Variants in ABHD5 observed in about 807,000 individuals in gnomAD.
The protein encoded by ABHD5 is 1-acylglycerol-3-phosphate O-acyltransferase ABHD5.
Under a neutral mutation model 44.9 loss-of-function variants are expected in ABHD5, and 30 were observed. That is an observed-to-expected ratio of 0.67 (90% CI 0.50 to 0.91). The LOEUF is 0.91. Among genes scored for constraint, ABHD5 ranks in the 40% least tolerant of loss-of-function variants. ABHD5 has a pLI of 0.00. For missense variants in ABHD5, 399 were observed against 423.4 expected (o/e 0.94, Z 0.50); for synonymous variants, 167 against 147.0 (o/e 1.14, Z -0.99).
At chr3:43,696,820 T>G (rs2084479229) in intron 1 of ABHD5, among the ~76,000 whole-genome samples, 1 of 152,112 alleles carries the variant, frequency 6.6e-6, no homozygotes, top group Non-Finnish European at 1.5e-5. Flanking sequence ...AGGGGAAGAG[T>G]GCTATCTTTA....
At chr3:43,693,001 C>T (rs1295358617) in intron 1 of ABHD5, among the ~76,000 whole-genome samples, 1 of 152,184 alleles carries the variant, frequency 6.6e-6, no homozygotes, top group African/African-American at 2.4e-5. Context: ...TTAGTGAAGA[C>T]AGGCATACTG....
At chr3:43,713,283 A>G (rs1025290127) in intron 4 of ABHD5, among the ~76,000 whole-genome samples, 2 of 149,264 alleles carry the variant, frequency 1.3e-5, no homozygotes, top group African/African-American at 5.0e-5. Context: ...AGATCGCACC[A>G]CTATTCTCCA....
intron 4 of ABHD5, 63 bp from the exon 5 acceptor site, chr3:43,714,884 T>G (rs926415174): frequency 1.7e-6 from 2 of 1,157,300 alleles, no homozygotes; most frequent in African/African-American, 1.5e-5. Flanking sequence ...ACTTTCTATA[T>G]TATTTAGTTG....
rs1342420995 is a variant in ABHD5 at position 43,721,608 on chromosome 3, C to T, written c.*3076C>T. On this transcript the variant is annotated 3_prime_UTR_variant, in exon 7 of 7. Transcript: ENST00000644371. ...ATTAAGTACCTGGCCTGGGTTCCAC[C>T]TACTTGGGAGGCTGAGGTAGGAGGA... 1 of 151,368 alleles carries T rather than the reference C, an allele frequency of 6.6e-6. No individual in the cohort carries two copies. The highest frequency in any genetic ancestry group is 1.5e-5 in the Non-Finnish European group (1 of 67,906). The allele number at this position is 151,368 out of a possible 1,614,324, so 9.4% of individuals were successfully genotyped here. A position where few individuals can be genotyped will look rare whatever the true frequency, so the allele number is the denominator to read the frequency against.
chr3:43,702,841 TTAATG>T (rs1270214663), intron 3 of ABHD5, among the ~76,000 whole-genome samples: 1 of 152,132 alleles, frequency 6.6e-6, no homozygotes, highest in Non-Finnish European at 1.5e-5. Context: ...TGTAGAAACT[TTAATG>T]TATAATTTTA....
At chr3:43,724,056 G>A (rs115430387), downstream of ABHD5, among the ~76,000 whole-genome samples, 465 of 152,262 alleles carry the variant, frequency 3.1e-3, no homozygotes, top group Middle Eastern at 0.02. Context: ...TGAGCAGAGT[G>A]TTATGTTGAA....
intron 6 of ABHD5, among the ~76,000 whole-genome samples, chr3:43,718,145 C>T (rs1222668446): frequency 6.6e-6 from 1 of 152,194 alleles, no homozygotes; most frequent in Admixed American, 6.5e-5. Flanking sequence ...GTAATTCCCA[C>T]CTCACAAGGC....
intron 1 of ABHD5, chr3:43,695,192 A>G (rs1380447321): frequency 6.6e-6 from 1 of 152,244 alleles, no homozygotes; most frequent in Non-Finnish European, 1.5e-5. Context: ...TCCCAAGAAT[A>G]GGATTTAAAA....
At chr3:43,695,899 T>G (rs929962706) in intron 1 of ABHD5, among the ~76,000 whole-genome samples, 1 of 152,248 alleles carries the variant, frequency 6.6e-6, no homozygotes, top group Non-Finnish European at 1.5e-5. Flanking sequence ...TCTGATGTGA[T>G]CTTTTATAAC....
chr3:43,714,014 C>T lies in ABHD5; in HGVS notation c.662-933C>T, dbSNP rs187958042. 3.3e-5 allele frequency among the ~76,000 whole-genome samples: 5 copies of T among 152,190 alleles called. No individual in the cohort carries two copies. In the East Asian group the frequency reaches 9.7e-4, roughly 29 times the overall value. On this transcript the variant is annotated intron_variant, in intron 4 of 6. Transcript: ENST00000644371. ...AGTGGTAGCAGAAAGGGAGACCAGT[C>T]AGTCTCTGGGGCCTCAGAATAGAAA...
downstream of ABHD5, among the ~76,000 whole-genome samples, chr3:43,727,650 C>T (rs2084886705): frequency 6.6e-6 from 1 of 152,166 alleles, no homozygotes; most frequent in South Asian, 2.1e-4. Flanking sequence ...GCTCTTGTTG[C>T]CAAGGCTGGA....
intron 7 of ABHD5, among the ~76,000 whole-genome samples, chr3:43,732,739 A>G (rs1697259547): frequency 6.6e-6 from 1 of 152,256 alleles, no homozygotes; most frequent in South Asian, 2.1e-4. Context: ...AAGAATTCAG[A>G]CATGGCTGAG....
intron 3 of ABHD5, among the ~76,000 whole-genome samples, chr3:43,703,375 C>T (rs576903549): frequency 7.9e-5 from 12 of 152,136 alleles, no homozygotes; most frequent in African/African-American, 2.7e-4. Flanking sequence ...GATGGGGTTT[C>T]GCCATGTTCG....
intron 7 of ABHD5, among the ~76,000 whole-genome samples, chr3:43,730,498 C>CTTT (rs2084905653): frequency 7.7e-6 from 1 of 129,510 alleles, no homozygotes. Flanking sequence ...GAAAATAATC[C>CTTT]CTTTTTTTTT....
chr3:43,708,615 T>C (rs1384750338), intron 3 of ABHD5, among the ~76,000 whole-genome samples: 1 of 152,220 alleles, frequency 6.6e-6, no homozygotes, highest in Admixed American at 6.5e-5. Flanking sequence ...TACTATTCGA[T>C]GGCCACCAAC....
rs1190433587 is a variant in ABHD5, at chr3:43,690,958, T to G, written c.-35T>G. 6.4e-7 allele frequency: 1 copy of G among 1,554,486 alleles called. No individual in the cohort carries two copies. The highest frequency in any genetic ancestry group is 1.4e-5 in the African/African-American group (1 of 70,356). ...GGCCCAGTCGGCCTGTCAGCCGGCT[T>G]CGAGATAAGTCCCGGCGCTTGCGCG... is the stretch of plus-strand genomic sequence containing the variant. On this transcript the variant is annotated 5_prime_UTR_variant, in exon 1 of 7. Transcript: ENST00000644371.
At position 43,720,060 on chromosome 3, in the gene ABHD5, C is replaced by T. The variant is rs1434905463; in HGVS notation, c.*1528C>T. 1 of 152,180 alleles carries T rather than the reference C, an allele frequency of 6.6e-6. No homozygotes were observed. Among genetic ancestry groups the T allele is most frequent in the Non-Finnish European group, 1.5e-5 (1 of 68,028 alleles). 9.4% of individuals were successfully genotyped at this position (152,180 alleles called of 1,614,324 possible). ...TACTGAAGCATGATATAAACATCTTCCCAATGAACAATTTGTCTCACTTGT... is the reference window on the plus strand; with the variant it reads ...TACTGAAGCATGATATAAACATCTTTCCAATGAACAATTTGTCTCACTTGT... On this transcript the variant is annotated 3_prime_UTR_variant, in exon 7 of 7. Coordinates refer to ENST00000644371, the MANE Select transcript of ABHD5 (RefSeq NM_016006.6).
At chr3:43,727,683 A>C (rs968878548), downstream of ABHD5, among the ~76,000 whole-genome samples, 2 of 152,164 alleles carry the variant, frequency 1.3e-5, no homozygotes, top group African/African-American at 4.8e-5. Context: ...ATCTCAGCTC[A>C]CTGCAACCTC....
chr3:43,710,910 G>C (rs1485431407), intron 3 of ABHD5, among the ~76,000 whole-genome samples: 1 of 152,036 alleles, frequency 6.6e-6, no homozygotes, highest in African/African-American at 2.4e-5. Flanking sequence ...TGATAGTTCT[G>C]GTTTTCCTTC....
Sources: allele counts gnomAD v4.1 joint callset (sites outside exome capture counted in the v4.1 genomes callset), GRCh38; gene constraint gnomAD v4.1.1; transcripts MANE v1.5; gene names NCBI Gene and HGNC (gene_info 2026-07-23, HGNC 2026-07-21).